RGL4: variants seen among roughly 807,000 people sequenced by gnomAD.
RGL4 encodes the protein ral-GDS-related protein.
In RGL4, 41 loss-of-function variants were observed where a neutral mutation model predicts 49.6. The ratio of observed to expected loss-of-function variants is 0.83; its 90% CI spans 0.64 to 1.07. The LOEUF (loss-of-function observed/expected upper bound fraction) is 1.07. Ranked by LOEUF, RGL4 falls within the 50% of genes least tolerant of loss-of-function variation. RGL4 has a pLI of 0.00. For missense variants in RGL4, 610 were observed against 591.9 expected, an observed-to-expected ratio of 1.03 and a Z score of -0.32; for synonymous variants, 255 against 238.0, an observed-to-expected ratio of 1.07 and a Z score of -0.66.
intron 10 of RGL4, 141 bp downstream of exon 10, chr22:23,698,474 C>A: frequency 1.0e-6 from 1 of 974,956 alleles, no homozygotes; most frequent in Non-Finnish European, 1.6e-6. Flanking sequence ...GGCTCAAGTC[C>A]TTCCTCAGCC....
rs764310162 is a variant in RGL4, at chr22:23,692,697, A to G, written c.402A>G (p.Ala134=). The G allele has an allele frequency of 1.7e-5, 28 of 1,610,562 alleles. No homozygotes were observed. The highest frequency in any genetic ancestry group is 5.5e-5 in the South Asian group (5 of 90,860). The part of the protein sequence containing the change: ...DDPAPRPGQH[A]LTMPALEPAP... ...CTGCTCCACGTCCTGGGCAACACGCATTAACAATGCCGGCCCTGGAGCCAG... is the reference window on the plus strand; with the variant it reads ...CTGCTCCACGTCCTGGGCAACACGCGTTAACAATGCCGGCCCTGGAGCCAG... Residue 134 remains alanine, a synonymous_variant, in exon 3 of 11, where the codon GCA becomes GCG. Transcript: ENST00000290691.
At chr22:23,692,288 G>A (rs746376670) in intron 1 of RGL4, 47 bp from the exon 2 acceptor site, 19 of 1,609,060 alleles carry the variant, frequency 1.2e-5, no homozygotes, top group Non-Finnish European at 1.5e-5. Flanking sequence ...GGAGGGTTGT[G>A]TGGGAGAAGG....
chr22:23,691,974 G>T lies in RGL4; in HGVS notation c.-57G>T. 6.4e-7 allele frequency: 1 copy of T among 1,571,484 alleles called. No individual in the cohort carries two copies. The highest frequency in any genetic ancestry group is 1.7e-5 in the Admixed American group (1 of 58,512). On this transcript the variant is annotated 5_prime_UTR_variant, in exon 1 of 11. Coordinates refer to ENST00000290691, the MANE Select transcript of RGL4 (RefSeq NM_153615.2). ...CAGCTCTCCCTGTCCTCCTCCCCCC[G>T]ACATCTGCCCCTTCCCTCCTAACCC...
intron 7 of RGL4, 120 bp downstream of exon 7, chr22:23,696,808 G>A (rs922432477): frequency 9.5e-6 from 8 of 840,612 alleles, no homozygotes; most frequent in South Asian, 1.8e-5. Context: ...CTGTCCTCCT[G>A]TGGCCACTGG....
chr22:23,692,949 C>T lies in RGL4; in HGVS notation c.654C>T (p.Phe218=). The T allele has an allele frequency of 6.2e-7, 1 of 1,611,462 alleles. No homozygotes were observed. Among genetic ancestry groups the T allele is most frequent in the Non-Finnish European group, 8.5e-7 (1 of 1,178,604 alleles). The change falls in exon 3 of 11, where the codon TTC becomes TTT. Residue 218 remains phenylalanine, a synonymous_variant. Transcript: ENST00000290691. ...AGGAGCTGCCTGACATGACGACCTT[C>T]CCTCCCAGGCTGCTGGCAGAGCAGC... ...PSEELPDMTT[F]PPRLLAEQLT... is the part of the protein sequence containing the mutation.
rs1291705772 is a variant in RGL4 at position 23,691,811 on chromosome 22, T to C, written c.-220T>C. ...CTTCTTATAATTCCCACGAGAAGGC[T>C]GACATCTGGGGACTTCCCCCACAAG... On this transcript the variant is annotated 5_prime_UTR_variant, in exon 1 of 11. Transcript: ENST00000290691. 15 of 504,928 alleles carry C rather than the reference T, an allele frequency of 3.0e-5. No individual in the cohort carries two copies. In the Middle Eastern group the frequency reaches 1.6e-3, roughly 53 times the overall value. The allele number at this position is 504,928 out of a possible 1,614,324, so 31.3% of individuals were successfully genotyped here. A position where few individuals can be genotyped will look rare whatever the true frequency, so the allele number is the denominator to read the frequency against.
chr22:23,692,557 T>C, intron 2 of RGL4, 29 bp downstream of exon 2: 1 of 1,597,118 alleles, frequency 6.3e-7, no homozygotes, highest in South Asian at 1.1e-5. Context: ...TGCAAGACTT[T>C]CCGGGGGTGG....
chr22:23,698,000 C>T, intron 9 of RGL4, 139 bp downstream of exon 9: 1 of 1,204,290 alleles, frequency 8.3e-7, no homozygotes, highest in Admixed American at 2.1e-5. Context: ...AGGAGGGGAC[C>T]TATCCCAGGA....
intron 10 of RGL4, 179 bp from the exon 11 acceptor site, chr22:23,698,665 G>A: frequency 1.2e-6 from 1 of 815,336 alleles, no homozygotes; most frequent in Non-Finnish European, 2.0e-6. Context: ...ACCCCACCTG[G>A]CCTAGAGGAG....
At position 23,691,623 on chromosome 22, in the gene RGL4, C is replaced by T. The variant is rs1273121019; in HGVS notation, c.-408C>T. ...GGTGAGACCCTCATGGCCTCCTCTA[C>T]GTATGGTGGCATCCTCCCAGATTCT... On this transcript the variant is annotated 5_prime_UTR_variant, in exon 1 of 11. The change creates a new upstream start codon in the 5' untranslated region. Coordinates refer to ENST00000290691, the MANE Select transcript of RGL4 (RefSeq NM_153615.2). The T allele has an allele frequency of 1.6e-5, 3 of 192,720 alleles. No individual in the cohort carries two copies. Among genetic ancestry groups the T allele is most frequent in the Non-Finnish European group, 3.3e-5 (3 of 90,994 alleles). The allele number at this position is 192,720 out of a possible 1,614,324, so 11.9% of individuals were successfully genotyped here.
chr22:23,695,597 G>A (rs767357857), intron 6 of RGL4: 41 of 371,532 alleles, frequency 1.1e-4, no homozygotes, highest in Non-Finnish European at 1.7e-4. Flanking sequence ...GGTACCAATG[G>A]GCATACTGGG....
intron 5 of RGL4, 58 bp from the exon 6 acceptor site, chr22:23,694,892 A>G (rs1923381128): frequency 1.5e-6 from 2 of 1,331,962 alleles, no homozygotes; most frequent in Admixed American, 3.4e-5. Context: ...AAGGGACTGG[A>G]ACTCACAAAT....
intron 1 of RGL4, 33 bp from the exon 2 acceptor site, chr22:23,692,302 G>A (rs774207263): frequency 6.2e-7 from 1 of 1,611,126 alleles, no homozygotes; most frequent in Non-Finnish European, 8.5e-7. Context: ...GAGAAGGCCA[G>A]GCCTCTGACT....
intron 6 of RGL4, among the ~76,000 whole-genome samples, chr22:23,695,958 C>T (rs976379466): frequency 5.3e-5 from 8 of 152,304 alleles, no homozygotes; most frequent in Non-Finnish European, 1.0e-4. Flanking sequence ...ACCCAGTTTG[C>T]GTGGCAGAGA....
At chr22:23,696,498 T>C (rs1432221763) in intron 6 of RGL4, 116 bp from the exon 7 acceptor site, 1 of 1,572,070 alleles carries the variant, frequency 6.4e-7, no homozygotes, top group Non-Finnish European at 8.6e-7. Flanking sequence ...GCCAGTGGTA[T>C]GAGCACGGTG....
chr22:23,695,280 C>T, intron 6 of RGL4: 1 of 473,402 alleles, frequency 2.1e-6, no homozygotes, highest in Non-Finnish European at 3.9e-6. Flanking sequence ...TGCTGGGCTG[C>T]TGAGCAGGGG....
chr22:23,694,067 T>G, intron 4 of RGL4, 93 bp downstream of exon 4: 33 of 1,139,322 alleles, frequency 2.9e-5, no homozygotes, highest in Non-Finnish European at 4.0e-5. Flanking sequence ...TCTGTATCTC[T>G]GGCCTGGACC....
Position 23,691,843 on chromosome 22 carries a change from A to C in RGL4, c.-188A>C, listed in dbSNP as rs527590875. 5.3e-6 allele frequency: 3 copies of C among 567,076 alleles called. No homozygotes were observed. In the East Asian group the frequency reaches 8.4e-5, roughly 16 times the overall value. The allele number at this position is 567,076 out of a possible 1,614,324, so 35.1% of individuals were successfully genotyped here. On this transcript the variant is annotated 5_prime_UTR_variant, in exon 1 of 11. Coordinates refer to ENST00000290691, the MANE Select transcript of RGL4 (RefSeq NM_153615.2). ...TGGGGACTTCCCCCACAAGAGGCAA[A>C]TAGTGAGTTCTGTAAATGGAGACTT...
At position 23,696,709 on chromosome 22, in the gene RGL4, G is replaced by T. The variant is rs781057870; in HGVS notation, c.1161+21G>T. 4 of 1,605,888 alleles carry T rather than the reference G, an allele frequency of 2.5e-6. No individual in the cohort carries two copies. The South Asian group carries it at 4.4e-5, about 18-fold the overall frequency. On this transcript the variant is annotated intron_variant, in intron 7 of 10. Coordinates refer to ENST00000290691, the MANE Select transcript of RGL4 (RefSeq NM_153615.2). The stretch of plus-strand genomic sequence containing the variant: ...AGAAGGTGAGTGAGCCTGTGGCATG[G>T]ACGGGCCGCAGGGGATCAGAGGACA...
Sources: allele counts gnomAD v4.1 joint callset (sites outside exome capture counted in the v4.1 genomes callset), GRCh38; gene constraint gnomAD v4.1.1; transcripts MANE v1.5; gene names NCBI Gene and HGNC (gene_info 2026-07-23, HGNC 2026-07-21).